DTNA: variants seen among roughly 807,000 people sequenced by gnomAD.
The protein encoded by DTNA is dystrophin-related protein 3.
A neutral mutation model predicts 100.7 loss-of-function variants in DTNA; 43 were observed. The observed-to-expected ratio is 0.43, with a 90% CI of 0.33 to 0.55. DTNA has a LOEUF of 0.55. DTNA is among the 20% of genes least tolerant of loss of function. The pLI is 0.04. For synonymous variants in DTNA, 349 were observed against 347.9 expected (o/e 1.00, Z -0.04); for missense variants, 798 against 953.9 (o/e 0.84, Z 2.15).
intron 13 of DTNA, among the ~76,000 whole-genome samples, chr18:34,845,107 G>C (rs2096353002): frequency 6.6e-6 from 1 of 152,032 alleles, no homozygotes; most frequent in Non-Finnish European, 1.5e-5. Context: ...AATGATTTAG[G>C]GATTGTTGAT....
intron 1 of DTNA, among the ~76,000 whole-genome samples, chr18:34,555,625 C>T (rs921952056): frequency 9.2e-5 from 14 of 152,036 alleles, no homozygotes; most frequent in Admixed American, 1.3e-4. Context: ...GCCTTCATTT[C>T]GTTATGTATC....
intron 13 of DTNA, among the ~76,000 whole-genome samples, chr18:34,840,702 T>C (rs2096252119): frequency 6.6e-6 from 1 of 152,144 alleles, no homozygotes; most frequent in South Asian, 2.1e-4. Flanking sequence ...CTAAATGTGA[T>C]TTGTATTTTG....
intron 16 of DTNA, among the ~76,000 whole-genome samples, chr18:34,858,895 G>A (rs1790537): frequency 0.15 from 22,640 of 152,150 alleles, 1,885 homozygotes; most frequent in African/African-American, 0.23. Flanking sequence ...ACAGGCGTGC[G>A]CCACCACACC....
At chr18:34,722,680 C>T (rs1332014343) in intron 1 of DTNA, among the ~76,000 whole-genome samples, 1 of 151,558 alleles carries the variant, frequency 6.6e-6, no homozygotes, top group Admixed American at 6.6e-5. Flanking sequence ...TTCATCACCA[C>T]CAAAAATTTC....
At chr18:34,884,079 C>G (rs1008546463) in intron 21 of DTNA, among the ~76,000 whole-genome samples, 1 of 152,096 alleles carries the variant, frequency 6.6e-6, no homozygotes, top group Non-Finnish European at 1.5e-5. Flanking sequence ...TCAGGGATGG[C>G]ATTCCTACAC....
chr18:34,805,729 T>C (rs888700285), intron 4 of DTNA, among the ~76,000 whole-genome samples: 2 of 150,338 alleles, frequency 1.3e-5, no homozygotes, highest in African/African-American at 2.5e-5. Context: ...TTGAAAAAAA[T>C]GTGTGATGAA....
At chr18:34,634,398 A>G (rs1011051058) in intron 1 of DTNA, among the ~76,000 whole-genome samples, 1 of 152,234 alleles carries the variant, frequency 6.6e-6, no homozygotes, top group Non-Finnish European at 1.5e-5. Flanking sequence ...TTTACATATT[A>G]CCATACTTTA....
chr18:34,704,002 A>G (rs924320204), intron 1 of DTNA, among the ~76,000 whole-genome samples: 1 of 151,874 alleles, frequency 6.6e-6, no homozygotes, highest in South Asian at 2.1e-4. Context: ...CTGTTTCTTA[A>G]TCTTTGTTTT....
intron 2 of DTNA, among the ~76,000 whole-genome samples, chr18:34,760,473 T>A (rs1210619984): frequency 1.3e-5 from 2 of 152,218 alleles, no homozygotes; most frequent in Non-Finnish European, 2.9e-5. Context: ...TCATTTCTCA[T>A]GAGCCAGCTT....
At chr18:34,761,620 G>T (rs556045303) in intron 2 of DTNA, among the ~76,000 whole-genome samples, 2 of 152,318 alleles carry the variant, frequency 1.3e-5, no homozygotes, top group South Asian at 4.1e-4. Context: ...CTGTGTCTTT[G>T]CTGTCCTATT....
chr18:34,611,273 A>T (rs2054159709), intron 1 of DTNA, among the ~76,000 whole-genome samples: 1 of 152,148 alleles, frequency 6.6e-6, no homozygotes, highest in African/African-American at 2.4e-5. Context: ...GTACATCTCT[A>T]ATACACCAAG....
rs567115146 is a variant in DTNA at position 34,785,707 on chromosome 18, C to T, written c.149-8330C>T. 4.6e-5 allele frequency among the ~76,000 whole-genome samples: 7 copies of T among 151,982 alleles called. 1 individual carries two copies. In the South Asian group the frequency reaches 6.3e-4, roughly 14 times the overall value. On this transcript the variant is annotated intron_variant, in intron 3 of 22. Coordinates refer to ENST00000444659, the MANE Select transcript of DTNA (RefSeq NM_001386795.1). ...CTGAATATATACAATTTTTATATGC[C>T]AATTGAATATTTTGAAATCTAAAAG...
chr18:34,802,889 CA>C (rs1249981850), intron 4 of DTNA, among the ~76,000 whole-genome samples: 1 of 152,018 alleles, frequency 6.6e-6, no homozygotes, highest in Non-Finnish European at 1.5e-5. Flanking sequence ...ATTTACTCTT[CA>C]AAAAAAGCTG....
chr18:34,860,260 G>C (rs553888522), intron 16 of DTNA, among the ~76,000 whole-genome samples: 1 of 140,590 alleles, frequency 7.1e-6, no homozygotes, highest in South Asian at 2.3e-4. Flanking sequence ...GGAGAGACGG[G>C]GTTTCACCAT....
intron 1 of DTNA, among the ~76,000 whole-genome samples, chr18:34,728,058 A>G (rs1247614888): frequency 6.6e-6 from 1 of 152,112 alleles, no homozygotes; most frequent in East Asian, 1.9e-4. Context: ...TGTTTTCTGA[A>G]TTTTCTTCAG....
intron 1 of DTNA, among the ~76,000 whole-genome samples, chr18:34,645,371 T>C (rs995291075): frequency 6.6e-6 from 1 of 152,152 alleles, no homozygotes; most frequent in Non-Finnish European, 1.5e-5. Flanking sequence ...AGCCTGTTCA[T>C]GAAGTTGGCA....
At chr18:34,779,374 A>T (rs530826844) in intron 3 of DTNA, among the ~76,000 whole-genome samples, 145 of 152,350 alleles carry the variant, frequency 9.5e-4, no homozygotes, top group African/African-American at 3.2e-3. Flanking sequence ...CATGGAGATT[A>T]TTCAGACTTG....
At chr18:34,537,199 A>G (rs1459019923) in intron 1 of DTNA, among the ~76,000 whole-genome samples, 1 of 151,974 alleles carries the variant, frequency 6.6e-6, no homozygotes, top group Non-Finnish European at 1.5e-5. Context: ...ATGGGGGCTT[A>G]GATAAATTTT....
chr18:34,678,207 G>T (rs563144530), intron 1 of DTNA, among the ~76,000 whole-genome samples: 1 of 152,044 alleles, frequency 6.6e-6, no homozygotes, highest in South Asian at 2.1e-4. Flanking sequence ...CAGCAAACCC[G>T]TATCATAAAT....
Sources: allele counts gnomAD v4.1 joint callset (sites outside exome capture counted in the v4.1 genomes callset), GRCh38; gene constraint gnomAD v4.1.1; transcripts MANE v1.5; gene names NCBI Gene and HGNC (gene_info 2026-07-23, HGNC 2026-07-21).